Variants in PDE3B observed in about 807,000 individuals in gnomAD.
PDE3B encodes the protein phosphodiesterase 3B.
PDE3B carries 66 observed loss-of-function variants against 116.8 expected under a neutral mutation model. The ratio of observed to expected loss-of-function variants is 0.56; its 90% CI spans 0.46 to 0.69. The LOEUF (loss-of-function observed/expected upper bound fraction) is 0.69, where lower values mean the gene tolerates loss of function less well. Ranked by LOEUF, PDE3B falls within the 30% of genes least tolerant of loss-of-function variation. The pLI, the probability that PDE3B is intolerant of heterozygous loss-of-function variation, is 0.00. For synonymous variants in PDE3B, 595 were observed against 533.6 expected (o/e 1.12, Z -1.59); for missense variants, 1,384 against 1,368.1 (o/e 1.01, Z -0.18).
chr11:14,647,757 A>C (rs190306123), intron 1 of PDE3B, among the ~76,000 whole-genome samples: 4 of 151,992 alleles, frequency 2.6e-5, no homozygotes, highest in African/African-American at 7.2e-5. Flanking sequence ...CTATCAATAG[A>C]AATGTTTTTA....
At chr11:14,748,949 C>T (rs1417562836) in intron 1 of PDE3B, among the ~76,000 whole-genome samples, 1 of 148,374 alleles carries the variant, frequency 6.7e-6, no homozygotes, top group Non-Finnish European at 1.5e-5. Context: ...AGTGCAGTGG[C>T]GCAGTCTTGG....
At chr11:14,647,171 A>T (rs1853434576) in intron 1 of PDE3B, among the ~76,000 whole-genome samples, 1 of 151,918 alleles carries the variant, frequency 6.6e-6, no homozygotes, top group South Asian at 2.1e-4. Flanking sequence ...AGATCAGGAG[A>T]TTTTCTGATT....
chr11:14,851,383 T>C (rs1847748576), intron 12 of PDE3B, among the ~76,000 whole-genome samples: 1 of 152,148 alleles, frequency 6.6e-6, no homozygotes, highest in Admixed American at 6.5e-5. Flanking sequence ...CTTCAATCTC[T>C]TTCATATACT....
chr11:14,896,147 A>G, the PDE3B span, among the ~76,000 whole-genome samples: 3 of 152,330 alleles, frequency 2.0e-5, no homozygotes, highest in South Asian at 2.1e-4. Context: ...CCACTGGGCC[A>G]TCTTCTGTCA....
chr11:14,817,154 G>A (rs1290191222), intron 5 of PDE3B, among the ~76,000 whole-genome samples: 2 of 152,114 alleles, frequency 1.3e-5, no homozygotes, highest in Non-Finnish European at 1.5e-5. Context: ...GGATGAAGCT[G>A]GAAACCATCA....
chr11:14,681,593 A>G (rs1373618723), intron 1 of PDE3B, among the ~76,000 whole-genome samples: 3 of 152,198 alleles, frequency 2.0e-5, no homozygotes, highest in African/African-American at 7.2e-5. Flanking sequence ...ACTAATATAC[A>G]TTGTAAAGCT....
intron 1 of PDE3B, among the ~76,000 whole-genome samples, chr11:14,685,501 G>C (rs2133799629): frequency 7.0e-6 from 1 of 141,952 alleles, no homozygotes; most frequent in South Asian, 2.2e-4. Flanking sequence ...TGTTACCTGG[G>C]CTGGAGTGCA....
chr11:14,864,326 G>A (rs908856614), intron 14 of PDE3B, among the ~76,000 whole-genome samples: 35 of 151,970 alleles, frequency 2.3e-4, no homozygotes, highest in African/African-American at 8.2e-4. Flanking sequence ...AGACCTACAA[G>A]GAGACTCAGA....
At chr11:14,654,008 C>G (rs1853637396) in intron 1 of PDE3B, among the ~76,000 whole-genome samples, 1 of 151,770 alleles carries the variant, frequency 6.6e-6, no homozygotes, top group Non-Finnish European at 1.5e-5. Flanking sequence ...AAGAAAAATC[C>G]CCCAAAACCC....
intron 1 of PDE3B, chr11:14,699,137 A>G (rs138907049): frequency 6.6e-6 from 1 of 152,072 alleles, no homozygotes; most frequent in East Asian, 1.9e-4. Context: ...TGAACAAATA[A>G]GTTTTATTTC....
chr11:14,722,937 A>G (rs1856167715), intron 1 of PDE3B, among the ~76,000 whole-genome samples: 1 of 152,212 alleles, frequency 6.6e-6, no homozygotes, highest in Non-Finnish European at 1.5e-5. Context: ...TAAACCTTCA[A>G]ATCTTATTTA....
chr11:14,721,162 A>G (rs928124932), intron 1 of PDE3B, among the ~76,000 whole-genome samples: 34 of 152,008 alleles, frequency 2.2e-4, no homozygotes, highest in African/African-American at 6.8e-4. Flanking sequence ...CAGCCAAAAA[A>G]TACATGAAAA....
At chr11:14,874,725 G>A (rs11023371), downstream of PDE3B, among the ~76,000 whole-genome samples, 7,778 of 152,152 alleles carry the variant, frequency 0.051, 248 homozygotes, top group Non-Finnish European at 0.074. Flanking sequence ...CTTATTCTGT[G>A]TTCTACCATT....
rs148128063 is a variant in PDE3B, at chr11:14,830,889, T to C, written c.1956+43T>C. 4.4e-3 allele frequency: 5,819 copies of C among 1,320,160 alleles called. 23 individuals carry two copies. Among genetic ancestry groups the C allele is most frequent in the Non-Finnish European group, 5.1e-3 (5,048 of 987,216 alleles). The allele number at this position is 1,320,160 out of a possible 1,614,324, so 81.8% of individuals were successfully genotyped here. On this transcript the variant is annotated intron_variant, in intron 8 of 15. Coordinates refer to ENST00000282096, the MANE Select transcript of PDE3B (RefSeq NM_000922.4). Reference sequence around the variant, plus strand: ...AATATGATTATGTTAAGGTGAAATATAATACTGTTAGTACTGGTTTCATTA... The same window carrying C: ...AATATGATTATGTTAAGGTGAAATACAATACTGTTAGTACTGGTTTCATTA...
chr11:14,644,490 A>C lies in PDE3B; in HGVS notation c.415A>C (p.Thr139Pro), dbSNP rs1221559409. The change falls in exon 1 of 16, where the codon ACC becomes CCC. Residue 139 changes from threonine (T) to proline (P), a missense_variant. By Grantham distance (38) the Thr-to-Pro change is conservative (BLOSUM62 -1). Transcript: ENST00000282096. The part of the protein sequence containing the change: ...FFFLTCFLTR[T>P]KRGPGPGRSC... ...CTTCCTCACCTGCTTCCTCACCCGGACCAAGCGGGGACCCGGCCCGGGCCG... is the reference window on the plus strand; with the variant it reads ...CTTCCTCACCTGCTTCCTCACCCGGCCCAAGCGGGGACCCGGCCCGGGCCG... The C allele has an allele frequency of 1.2e-6, 2 of 1,612,142 alleles. No homozygotes were observed. The highest frequency in any genetic ancestry group is 3.3e-5 in the Admixed American group (2 of 59,902).
intron 11 of PDE3B, among the ~76,000 whole-genome samples, chr11:14,841,758 G>A (rs1320561023): frequency 2.8e-4 from 9 of 32,494 alleles, no homozygotes; most frequent in South Asian, 9.9e-4. Flanking sequence ...TAGAACTCCT[G>A]AGCTCAAGTG....
At chr11:14,750,291 C>G (rs1158669671) in intron 1 of PDE3B, among the ~76,000 whole-genome samples, 1 of 151,994 alleles carries the variant, frequency 6.6e-6, no homozygotes, top group Non-Finnish European at 1.5e-5. Flanking sequence ...GTCAAGTTAA[C>G]ACATAAAATT....
chr11:14,856,957 G>A (rs1847863175), intron 12 of PDE3B, among the ~76,000 whole-genome samples: 1 of 151,614 alleles, frequency 6.6e-6, no homozygotes, highest in Non-Finnish European at 1.5e-5. Context: ...GGGGACATTT[G>A]TTCAGATTAG....
the PDE3B span, chr11:14,880,434 C>T: frequency 6.2e-7 from 1 of 1,613,392 alleles, no homozygotes. Flanking sequence ...GGATGCCAAT[C>T]CATGGAAAGG....
Sources: gnomAD v4.1 joint callset for allele counts (sites outside exome capture counted in the v4.1 genomes callset) on GRCh38, gnomAD v4.1.1 for gene constraint, MANE v1.5 for transcripts, NCBI Gene and HGNC (gene_info 2026-07-23, HGNC 2026-07-21) for gene names.